The following AOPEP variants were observed in gnomAD, a reference collection of about 807,000 sequenced individuals.
AOPEP encodes the protein aminopeptidase O.
In AOPEP, 77 loss-of-function variants were observed where a neutral mutation model predicts 98.1. The ratio of observed to expected loss-of-function variants is 0.78; its 90% CI spans 0.65 to 0.95. The LOEUF (loss-of-function observed/expected upper bound fraction) is 0.95, where lower values mean the gene tolerates loss of function less well. Ranked by LOEUF, AOPEP falls within the 40% of genes least tolerant of loss-of-function variation. The probability of loss-of-function intolerance (pLI) is 0.00; values close to 1 mark genes in which losing one functional copy is unlikely to be tolerated. For synonymous variants in AOPEP, 346 were observed against 365.3 expected (o/e 0.95, Z 0.60); for missense variants, 1,024 against 1,024.7 (o/e 1.00, Z 0.01).
At chr9:94,806,399 G>T (rs1006640638) in intron 5 of AOPEP, among the ~76,000 whole-genome samples, 5 of 152,138 alleles carry the variant, frequency 3.3e-5, no homozygotes, top group African/African-American at 4.8e-5. Flanking sequence ...TTTCAAACAG[G>T]TGGGTGTGAA....
At chr9:95,068,004 A>G (rs1041405386) in intron 14 of AOPEP, among the ~76,000 whole-genome samples, 1 of 152,188 alleles carries the variant, frequency 6.6e-6, no homozygotes, top group South Asian at 2.1e-4. Flanking sequence ...TCTTTGTAGC[A>G]TATATCATTA....
rs777253507 is a variant in AOPEP at position 94,751,331 on chromosome 9, C to T, written c.-135-8318C>T. On this transcript the variant is annotated intron_variant, in intron 1 of 16. Transcript: ENST00000375315. ...TACTCCACTATTACCAGAAGTGGTA[C>T]TCCCTTTCATTTAAGGAGAGGGCAG... Among the ~76,000 whole-genome samples, 82 of 152,154 alleles carry T rather than the reference C, an allele frequency of 5.4e-4. 1 individual carries two copies. The highest frequency in any genetic ancestry group is 2.2e-4 in the Non-Finnish European group (15 of 68,024).
chr9:94,737,431 C>T (rs1832031869), intron 1 of AOPEP, among the ~76,000 whole-genome samples: 1 of 152,132 alleles, frequency 6.6e-6, no homozygotes, highest in Non-Finnish European at 1.5e-5. Flanking sequence ...TCTTATGTAC[C>T]TTTCCACTAT....
At chr9:94,959,251 G>A (rs1041138509) in intron 9 of AOPEP, among the ~76,000 whole-genome samples, 1 of 152,038 alleles carries the variant, frequency 6.6e-6, no homozygotes, top group Non-Finnish European at 1.5e-5. Flanking sequence ...CACCATGTTA[G>A]CCAGGATGGT....
intron 5 of AOPEP, among the ~76,000 whole-genome samples, chr9:94,813,582 C>T (rs1214271723): frequency 6.6e-6 from 1 of 152,220 alleles, no homozygotes; most frequent in Non-Finnish European, 1.5e-5. Flanking sequence ...TGCTCTGCCC[C>T]TCCCATGATT....
At chr9:95,059,521 G>A (rs2067135124) in intron 13 of AOPEP, among the ~76,000 whole-genome samples, 1 of 150,304 alleles carries the variant, frequency 6.7e-6, no homozygotes, top group Admixed American at 6.6e-5. Context: ...GTATATGTGT[G>A]TGTGAATGAG....
At chr9:94,925,401 T>C (rs186218893) in intron 6 of AOPEP, among the ~76,000 whole-genome samples, 1 of 152,240 alleles carries the variant, frequency 6.6e-6, no homozygotes, top group Non-Finnish European at 1.5e-5. Flanking sequence ...TGCATGATAT[T>C]GTTCAAGGTC....
chr9:94,863,687 A>G (rs1034729264), intron 5 of AOPEP, among the ~76,000 whole-genome samples: 2 of 152,212 alleles, frequency 1.3e-5, no homozygotes, highest in African/African-American at 2.4e-5. Context: ...AAGTGCTGGG[A>G]TTACAGACGT....
intron 1 of AOPEP, among the ~76,000 whole-genome samples, chr9:94,753,597 T>C (rs536069574): frequency 6.6e-5 from 10 of 152,298 alleles, no homozygotes; most frequent in African/African-American, 2.4e-5. Flanking sequence ...ACATAAAATA[T>C]GTTGATTGAG....
intron 4 of AOPEP, among the ~76,000 whole-genome samples, chr9:94,795,490 G>A (rs1292730111): frequency 6.6e-6 from 1 of 152,184 alleles, no homozygotes; most frequent in East Asian, 1.9e-4. Context: ...TCTTGATGGT[G>A]AAGAAGTACT....
chr9:94,961,013 C>CAAAAAA (rs71496990), intron 9 of AOPEP, among the ~76,000 whole-genome samples: 2,618 of 118,574 alleles, frequency 0.022, 104 homozygotes, highest in African/African-American at 0.077. Context: ...GAATCTGTCT[C>CAAAAAA]AAAAAAAAAA....
intron 4 of AOPEP, among the ~76,000 whole-genome samples, chr9:94,797,113 A>G (rs756141416): frequency 2.0e-5 from 3 of 152,196 alleles, no homozygotes; most frequent in Non-Finnish European, 4.4e-5. Context: ...TCGGTGCTGA[A>G]TCTATGGAAG....
intron 5 of AOPEP, among the ~76,000 whole-genome samples, chr9:94,801,756 A>G (rs1331520363): frequency 6.6e-6 from 1 of 152,230 alleles, no homozygotes; most frequent in African/African-American, 2.4e-5. Context: ...TTAAAATCTT[A>G]ATCATTAGCA....
intron 9 of AOPEP, among the ~76,000 whole-genome samples, chr9:94,957,150 G>A (rs2058516405): frequency 1.3e-5 from 2 of 152,036 alleles, no homozygotes; most frequent in Non-Finnish European, 1.5e-5. Flanking sequence ...ACTTCCCATG[G>A]AACTCTTACT....
chr9:94,764,927 G>A (rs1425694811), intron 2 of AOPEP, among the ~76,000 whole-genome samples: 3 of 152,114 alleles, frequency 2.0e-5, no homozygotes, highest in Non-Finnish European at 1.5e-5. Flanking sequence ...AGGGTGGAGA[G>A]CAGTGGCATG....
In AOPEP at chr9:94,800,790, C is replaced by G. The variant is rs763947895; in HGVS notation, c.1152C>G (p.Pro384=). The part of the protein sequence containing the change: ...HVGVCSHMEY[P]CRFQNASATT... ...GTGTTTGCAGTCACATGGAATACCC[C>G]TGCCGCTTCCAGAATGCTTCTGCCA... The change falls in exon 5 of 17, where the codon CCC becomes CCG. Residue 384 remains proline, a synonymous_variant. Coordinates refer to ENST00000375315, the MANE Select transcript of AOPEP (RefSeq NM_001193329.3). The G allele has an allele frequency of 6.2e-7, 1 of 1,614,164 alleles. No homozygotes were observed. The highest frequency in any genetic ancestry group is 8.5e-7 in the Non-Finnish European group (1 of 1,179,990).
At chr9:95,089,837 A>G (rs894773064), downstream of AOPEP, among the ~76,000 whole-genome samples, 4 of 152,218 alleles carry the variant, frequency 2.6e-5, no homozygotes, top group Admixed American at 2.6e-4. Context: ...ATGTGAAGAT[A>G]TTAGCTCCCC....
the AOPEP span, among the ~76,000 whole-genome samples, chr9:95,129,682 G>C: frequency 6.6e-6 from 1 of 152,088 alleles, no homozygotes. Context: ...TTCTCCATCT[G>C]GCCTAACAAT....
chr9:95,079,104 C>A (rs1165228553), intron 14 of AOPEP, among the ~76,000 whole-genome samples: 1 of 152,238 alleles, frequency 6.6e-6, no homozygotes, highest in Non-Finnish European at 1.5e-5. Flanking sequence ...TTCAGCACTT[C>A]AAAGGGCCTG....
Sources: allele counts gnomAD v4.1 joint callset (sites outside exome capture counted in the v4.1 genomes callset), GRCh38; gene constraint gnomAD v4.1.1; transcripts MANE v1.5; gene names NCBI Gene and HGNC (gene_info 2026-07-23, HGNC 2026-07-21).